The following ENPP5 variants were observed in gnomAD, a reference collection of about 807,000 sequenced individuals.
The protein encoded by ENPP5 is E-NPP 5.
In ENPP5, 27 loss-of-function variants were observed where a neutral mutation model predicts 33.7. The ratio of observed to expected loss-of-function variants is 0.80; its 90% confidence interval spans 0.59 to 1.11. ENPP5 has a LOEUF of 1.11. ENPP5 is among the 50% of genes least tolerant of loss of function. The probability of loss-of-function intolerance (pLI) is 0.00; values close to 1 mark genes in which losing one functional copy is unlikely to be tolerated. For missense variants in ENPP5, 552 were observed against 579.2 expected, an observed-to-expected ratio of 0.95 and a Z score of 0.48; for synonymous variants, 199 against 200.5, an observed-to-expected ratio of 0.99 and a Z score of 0.06.
chr6:46,169,971 ACTCT>A (rs924063611), intron 2 of ENPP5, 78 bp downstream of exon 2: 1 of 151,998 alleles, frequency 6.6e-6, no homozygotes, highest in Non-Finnish European at 1.5e-5. Context: ...GGATGGCAAT[ACTCT>A]CTCTGATTCT....
Position 46,168,221 on chromosome 6 carries a change from T to C in ENPP5, c.42A>G (p.Ala14=), listed in dbSNP as rs752508122. ...KFLLVSFILA[A]LSLSTTFSLQ... ...GAGAAAAGGTGGTTGAAAGACTCAGTGCAGCAAGTATGAAGGACACCAAGA... is the reference window on the plus strand; with the variant it reads ...GAGAAAAGGTGGTTGAAAGACTCAGCGCAGCAAGTATGAAGGACACCAAGA... The change falls in exon 3 of 5, where the codon GCA becomes GCG. Residue 14 remains alanine (A), a synonymous_variant. Coordinates refer to ENST00000371383, the MANE Select transcript of ENPP5 (RefSeq NM_001290072.2). 18 of 1,606,816 alleles carry C rather than the reference T, an allele frequency of 1.1e-5. No individual in the cohort carries two copies. The South Asian group carries it at 1.9e-4, about 17-fold the overall frequency.
At chr6:46,168,960 C>T (rs1228667432) in intron 2 of ENPP5, among the ~76,000 whole-genome samples, 17 of 150,234 alleles carry the variant, frequency 1.1e-4, no homozygotes, top group Non-Finnish European at 5.9e-5. Flanking sequence ...TCACAGCATT[C>T]GTTGAACTAA....
chr6:46,169,217 T>C (rs929489380), intron 2 of ENPP5, among the ~76,000 whole-genome samples: 2 of 152,212 alleles, frequency 1.3e-5, no homozygotes, highest in African/African-American at 4.8e-5. Context: ...AATAGATATG[T>C]AAATTTTGTC....
At chr6:46,165,664 A>C (rs1417093062) in intron 3 of ENPP5, 101 bp from the exon 4 acceptor site, 1 of 931,348 alleles carries the variant, frequency 1.1e-6, no homozygotes, top group Non-Finnish European at 1.5e-6. Flanking sequence ...AGAGAGCTGA[A>C]CATAAGAAAA....
intron 2 of ENPP5, among the ~76,000 whole-genome samples, chr6:46,169,478 C>T (rs1022083724): frequency 6.6e-6 from 1 of 151,870 alleles, no homozygotes; most frequent in Admixed American, 6.6e-5. Flanking sequence ...CTGCAACTTC[C>T]GCCTTCCGTG....
At position 46,170,957 on chromosome 6, in the gene ENPP5, T is replaced by G. The variant is rs900516968; in HGVS notation, c.-247A>C. 3 of 152,398 alleles carry G rather than the reference T, an allele frequency of 2.0e-5. No homozygotes were observed. The highest frequency in any genetic ancestry group is 7.2e-5 in the African/African-American group (3 of 41,460). The allele number at this position is 152,398 out of a possible 1,614,324, so 9.4% of individuals were successfully genotyped here. On this transcript the variant is annotated 5_prime_UTR_variant, in exon 1 of 5. Transcript: ENST00000371383. ...GCAGGAGCTCACCTGCGCTCAACTC[T>G]GGAGCGGAGCACCTGACCGCGCCGC...
rs777350248 is a variant in ENPP5 at position 46,165,386 on chromosome 6, C to T, written c.1006+1G>A. On this transcript the variant is annotated splice_donor_variant, in intron 4 of 4. Transcript: ENST00000371383. LOFTEE classifies it high-confidence loss of function. ...GGAAAGAAATACTGTAACATACTCACACAGAAAGTCATCTGACTTATTCTG... is the reference window on the plus strand; with the variant it reads ...GGAAAGAAATACTGTAACATACTCATACAGAAAGTCATCTGACTTATTCTG... 3 of 1,560,984 alleles carry T rather than the reference C, an allele frequency of 1.9e-6. No individual in the cohort carries two copies. The highest frequency in any genetic ancestry group is 2.6e-6 in the Non-Finnish European group (3 of 1,161,194).
intron 4 of ENPP5, among the ~76,000 whole-genome samples, 175 bp from the exon 5 acceptor site, chr6:46,161,928 T>C (rs541959008): frequency 7.2e-5 from 11 of 152,288 alleles, no homozygotes; most frequent in African/African-American, 2.2e-4. Flanking sequence ...TCTTCAGGAA[T>C]TGAAGAGTCA....
intron 3 of ENPP5, 146 bp downstream of exon 3, chr6:46,167,288 A>G (rs1764575435): frequency 1.6e-6 from 1 of 611,480 alleles, no homozygotes; most frequent in Admixed American, 2.9e-5. Context: ...TTGTCTTTTC[A>G]GAGTCTGAGG....
intron 4 of ENPP5, among the ~76,000 whole-genome samples, chr6:46,162,798 A>G: frequency 6.6e-6 from 1 of 152,194 alleles, no homozygotes; most frequent in East Asian, 1.9e-4. Context: ...TAAAAATAGC[A>G]CTGAAATTAT....
rs1477722751 is a variant in ENPP5 at position 46,160,104 on chromosome 6, T to C, written c.*1222A>G. On this transcript the variant is annotated 3_prime_UTR_variant, in exon 5 of 5. Coordinates refer to ENST00000371383, the MANE Select transcript of ENPP5 (RefSeq NM_001290072.2). The stretch of plus-strand genomic sequence containing the variant: ...GGTAGGTGGGTATTCACATATTTCT[T>C]GAAACAGAGCTATATCATCTCGGCT... 6.6e-6 allele frequency: 1 copy of C among 152,194 alleles called. No homozygotes were observed. Among genetic ancestry groups the C allele is most frequent in the African/African-American group, 2.4e-5 (1 of 41,448 alleles). The allele number at this position is 152,194 out of a possible 1,614,324, so 9.4% of individuals were successfully genotyped here.
chr6:46,166,455 T>C (rs958814538), intron 3 of ENPP5, among the ~76,000 whole-genome samples: 2 of 149,758 alleles, frequency 1.3e-5, no homozygotes, highest in African/African-American at 4.9e-5. Context: ...CTATTTTTTT[T>C]TTTTTTTTTT....
intron 2 of ENPP5, among the ~76,000 whole-genome samples, chr6:46,168,756 T>A (rs550417037): frequency 6.6e-6 from 1 of 151,746 alleles, no homozygotes; most frequent in African/African-American, 2.4e-5. Context: ...ATGGTGCATA[T>A]ACATATATAT....
chr6:46,167,612 A>G lies in ENPP5; in HGVS notation c.651T>C (p.Tyr217=). 6.2e-7 allele frequency: 1 copy of G among 1,614,204 alleles called. No individual in the cohort carries two copies. The change falls in exon 3 of 5, where the codon TAT becomes TAC. Residue 217 remains tyrosine, a synonymous_variant. Transcript: ENST00000371383. ...VISDIDKKLG[Y]LIQMLKKAKL... The stretch of plus-strand genomic sequence containing the variant: ...TTGCCTTTTTCAGCATTTGTATGAG[A>G]TATCCTAACTTCTTGTCAATATCTG...
intron 2 of ENPP5, among the ~76,000 whole-genome samples, chr6:46,169,767 T>C (rs1398303910): frequency 6.6e-5 from 10 of 152,246 alleles, no homozygotes. Context: ...AAATAAAAAC[T>C]ACTTGGCATG....
In ENPP5 at chr6:46,165,532, A is replaced by C; in HGVS notation, c.861T>G (p.Thr287=). Reference sequence around the variant, plus strand: ...AAACAGTAAGATTAGGATGAGCGTGAGTTAGTGCTTCATAGACTTCATCAA... The same window carrying C: ...AAACAGTAAGATTAGGATGAGCGTGCGTTAGTGCTTCATAGACTTCATCAA... ...GKFDEVYEAL[T]HAHPNLTVYK... is the part of the protein sequence containing the mutation. The change falls in exon 4 of 5, where the codon ACT becomes ACG. Residue 287 remains threonine, a synonymous_variant. Coordinates refer to ENST00000371383, the MANE Select transcript of ENPP5 (RefSeq NM_001290072.2). The C allele has an allele frequency of 3.1e-6, 5 of 1,598,288 alleles. No individual in the cohort carries two copies. The highest frequency in any genetic ancestry group is 4.3e-6 in the Non-Finnish European group (5 of 1,175,262).
In ENPP5 at chr6:46,165,381, AC is replaced by A. The variant is rs763250629; in HGVS notation, c.1006+5del. On this transcript the variant is annotated splice_donor_5th_base_variant and intron_variant, in intron 4 of 4. Coordinates refer to ENST00000371383, the MANE Select transcript of ENPP5 (RefSeq NM_001290072.2). ...AGAATGGAAAGAAATACTGTAACAT[AC>A]TCACACAGAAAGTCATCTGACTTAT... 27 of 1,555,446 alleles carry A rather than the reference AC, an allele frequency of 1.7e-5. No homozygotes were observed. Among genetic ancestry groups the A allele is most frequent in the Non-Finnish European group, 2.2e-5 (25 of 1,158,122 alleles).
rs780206858 is a variant in ENPP5 at position 46,165,510 on chromosome 6, C to G, written c.883G>C (p.Val295Leu). ...TCTGGAACGTCTTCTTTTTTGTAAA[C>G]AGTAAGATTAGGATGAGCGTGAGTT... ...ALTHAHPNLT[V>L]YKKEDVPERW... Residue 295 changes from valine (V) to leucine (L), a missense_variant, in exon 4 of 5, where the codon GTT becomes CTT. Transcript: ENST00000371383. 3 of 1,610,080 alleles carry G rather than the reference C, an allele frequency of 1.9e-6. No homozygotes were observed. In the Admixed American group the frequency reaches 5.1e-5, roughly 27 times the overall value.
chr6:46,170,634 T>A (rs1415471668), intron 1 of ENPP5, among the ~76,000 whole-genome samples, 174 bp downstream of exon 1: 1 of 151,988 alleles, frequency 6.6e-6, no homozygotes, highest in Non-Finnish European at 1.5e-5. Context: ...CAGGATTCCA[T>A]CCTAGCCACC....
Sources: gnomAD v4.1 joint callset for allele counts (sites outside exome capture counted in the v4.1 genomes callset) on GRCh38, gnomAD v4.1.1 for gene constraint, MANE v1.5 for transcripts, NCBI Gene and HGNC (gene_info 2026-07-23, HGNC 2026-07-21) for gene names.